The following GAS2 variants were observed in gnomAD, a reference collection of about 807,000 sequenced individuals.
GAS2 encodes the protein growth arrest specific 2.
A neutral mutation model predicts 37.5 loss-of-function variants in GAS2; 20 were observed. That is an observed-to-expected ratio of 0.53 (90% confidence interval 0.37 to 0.77). The LOEUF is 0.77. Among genes scored for constraint, GAS2 ranks in the 30% least tolerant of loss-of-function variants. GAS2 has a pLI of 0.00. For synonymous variants in GAS2, 144 were observed against 132.2 expected (o/e 1.09, Z -0.61); for missense variants, 336 against 373.4 (o/e 0.90, Z 0.82).
chr11:22,758,024 C>T (rs576596425), intron 7 of GAS2, among the ~76,000 whole-genome samples: 4 of 152,124 alleles, frequency 2.6e-5, no homozygotes, highest in Non-Finnish European at 5.9e-5. Context: ...CCTTGATGTG[C>T]ATATGATTAT....
chr11:22,647,350 C>A (rs1326475707), intron 1 of GAS2, among the ~76,000 whole-genome samples: 1 of 152,056 alleles, frequency 6.6e-6, no homozygotes, highest in Non-Finnish European at 1.5e-5. Flanking sequence ...GGTTCTAAGT[C>A]TTTGCTATTG....
chr11:22,655,671 A>T (rs776564808), intron 1 of GAS2, among the ~76,000 whole-genome samples: 1 of 152,232 alleles, frequency 6.6e-6, no homozygotes, highest in Non-Finnish European at 1.5e-5. Flanking sequence ...ATTTGGTTTC[A>T]CTTATAAAAT....
chr11:22,806,870 T>C (rs1856922462), intron 7 of GAS2, among the ~76,000 whole-genome samples: 1 of 152,072 alleles, frequency 6.6e-6, no homozygotes, highest in Non-Finnish European at 1.5e-5. Flanking sequence ...CTCCCAAGAG[T>C]AGCCAAAATG....
At chr11:22,768,006 C>T (rs757746144) in intron 7 of GAS2, among the ~76,000 whole-genome samples, 2 of 152,158 alleles carry the variant, frequency 1.3e-5, no homozygotes, top group East Asian at 1.9e-4. Context: ...TTCATCTAAA[C>T]GGCCAGTCCT....
intron 4 of GAS2, among the ~76,000 whole-genome samples, chr11:22,730,177 T>C (rs1050854314): frequency 6.6e-6 from 1 of 151,836 alleles, no homozygotes; most frequent in African/African-American, 2.4e-5. Flanking sequence ...AACAATAAAA[T>C]TTCACATTCA....
intron 1 of GAS2, among the ~76,000 whole-genome samples, chr11:22,633,457 G>A (rs1590550497): frequency 6.6e-6 from 1 of 152,082 alleles, no homozygotes; most frequent in Non-Finnish European, 1.5e-5. Context: ...ATGTCACAAA[G>A]CTTATTTTGT....
At chr11:22,639,026 C>T (rs192170535) in intron 1 of GAS2, among the ~76,000 whole-genome samples, 287 of 152,108 alleles carry the variant, frequency 1.9e-3, no homozygotes, top group African/African-American at 6.6e-3. Context: ...TTAGTGGCAA[C>T]TATAAAGAGC....
chr11:22,787,816 GTCAGGTAT>G (rs1855890474), intron 7 of GAS2, among the ~76,000 whole-genome samples: 1 of 152,154 alleles, frequency 6.6e-6, no homozygotes, highest in Non-Finnish European at 1.5e-5. Flanking sequence ...TTCTTTCAAT[GTCAGGTAT>G]TCAGGGTTGG....
chr11:22,627,070 G>A (rs895822037), intron 1 of GAS2, among the ~76,000 whole-genome samples: 12 of 152,274 alleles, frequency 7.9e-5, no homozygotes, highest in Non-Finnish European at 1.8e-4. Context: ...TGGGATTAGA[G>A]GCGTGTGCCA....
At chr11:22,702,120 A>G (rs1850873796) in intron 3 of GAS2, 1 of 152,166 alleles carries the variant, frequency 6.6e-6, no homozygotes, top group Admixed American at 6.6e-5. Flanking sequence ...ACCTATTACA[A>G]TGCTTTTTAA....
intron 3 of GAS2, among the ~76,000 whole-genome samples, chr11:22,703,166 T>C (rs1014559532): frequency 6.6e-6 from 1 of 152,134 alleles, no homozygotes; most frequent in African/African-American, 2.4e-5. Flanking sequence ...CGCAGTGTTG[T>C]CCCTTGAGCA....
intron 1 of GAS2, among the ~76,000 whole-genome samples, chr11:22,627,901 T>C (rs1382745893): frequency 6.6e-6 from 1 of 152,078 alleles, no homozygotes; most frequent in Non-Finnish European, 1.5e-5. Flanking sequence ...TTTGCAGGTA[T>C]CTGAGTTGAA....
intron 1 of GAS2, among the ~76,000 whole-genome samples, chr11:22,650,753 C>T (rs1030682493): frequency 7.8e-4 from 118 of 152,186 alleles, no homozygotes; most frequent in African/African-American, 2.5e-3. Flanking sequence ...CTGCCTTTTT[C>T]TGTTTTCCAT....
intron 7 of GAS2, among the ~76,000 whole-genome samples, chr11:22,766,184 A>G (rs1327091629): frequency 2.0e-5 from 3 of 151,952 alleles, no homozygotes; most frequent in African/African-American, 4.8e-5. Context: ...ATCATATACT[A>G]TTTAATACTC....
intron 1 of GAS2, among the ~76,000 whole-genome samples, chr11:22,651,188 G>A (rs946471612): frequency 6.6e-6 from 1 of 151,464 alleles, no homozygotes; most frequent in Non-Finnish European, 1.5e-5. Context: ...AGCTTAGTTT[G>A]GCTGGATATG....
In GAS2 at chr11:22,695,959, T is replaced by C. The variant is rs1163027249; in HGVS notation, c.267+10170T>C. On this transcript the variant is annotated intron_variant, in intron 3 of 7. Transcript: ENST00000454584. ...GTTTTTTTAAATTTTATTATTATTA[T>C]ACTTTAAGTTTTAGGGTACATGTGC... 2.6e-5 allele frequency among the ~76,000 whole-genome samples: 4 copies of C among 152,246 alleles called. No individual in the cohort carries two copies. In the East Asian group the frequency reaches 7.7e-4, roughly 29 times the overall value.
chr11:22,740,178 A>G (rs1219667553), intron 5 of GAS2, among the ~76,000 whole-genome samples: 3 of 152,210 alleles, frequency 2.0e-5, no homozygotes, highest in African/African-American at 7.2e-5. Context: ...AAAGTGAATT[A>G]TAATGGCCTT....
At position 22,762,115 on chromosome 11, in the gene GAS2, G is replaced by A. The variant is rs139935687; in HGVS notation, c.723+6162G>A. ...TGAAGCAAATGGAATAATTTGTAAC[G>A]TAGAATTTATATTGAAAGTTGTCCA... is the stretch of plus-strand genomic sequence containing the variant. On this transcript the variant is annotated intron_variant, in intron 7 of 7. Transcript: ENST00000454584. Among the ~76,000 whole-genome samples the A allele has an allele frequency of 2.1e-3, 326 of 152,230 alleles. 1 individual carries two copies. The highest frequency in any genetic ancestry group is 3.8e-3 in the Non-Finnish European group (257 of 67,966).
At position 22,741,910 on chromosome 11, in the gene GAS2, C is replaced by T. The variant is rs530083206; in HGVS notation, c.473+4142C>T. ...AGGCTGTAAAATTTGTCCCTCTAAC[C>T]CTAGTAAAATAGGATCCAGATGTCT... On this transcript the variant is annotated intron_variant, in intron 5 of 7. Coordinates refer to ENST00000454584, the MANE Select transcript of GAS2 (RefSeq NM_001143830.3). Among the ~76,000 whole-genome samples, 27 of 152,168 alleles carry T rather than the reference C, an allele frequency of 1.8e-4. 1 individual carries two copies. In the South Asian group the frequency reaches 5.4e-3, roughly 30 times the overall value.
Sources: allele counts gnomAD v4.1 joint callset (sites outside exome capture counted in the v4.1 genomes callset), GRCh38; gene constraint gnomAD v4.1.1; transcripts MANE v1.5; gene names NCBI Gene and HGNC (gene_info 2026-07-23, HGNC 2026-07-21).